PRKN: variants seen among roughly 807,000 people sequenced by gnomAD.
PRKN encodes the protein parkin RBR E3 ubiquitin protein ligase, also known as E3 ubiquitin-protein ligase parkin.
Under a neutral mutation model 59.5 loss-of-function variants are expected in PRKN, and 56 were observed. The ratio of observed to expected loss-of-function variants is 0.94; its 90% confidence interval spans 0.76 to 1.18. The LOEUF (loss-of-function observed/expected upper bound fraction) is 1.18. PRKN is among the 50% of genes most tolerant of loss of function. The pLI, the probability that PRKN is intolerant of heterozygous loss-of-function variation, is 0.00. For synonymous variants in PRKN, 250 were observed against 222.1 expected, an observed-to-expected ratio of 1.13 and a Z score of -1.12; for missense variants, 657 against 596.4, an observed-to-expected ratio of 1.10 and a Z score of -1.06.
chr6:161,965,514 T>G (rs879327543), intron 6 of PRKN, among the ~76,000 whole-genome samples: 2 of 152,004 alleles, frequency 1.3e-5, no homozygotes, highest in African/African-American at 4.8e-5. Context: ...CTTCTATCGA[T>G]GAAAAGAGTC....
chr6:161,781,162 T>C (rs1261648986), intron 7 of PRKN, among the ~76,000 whole-genome samples: 1 of 152,198 alleles, frequency 6.6e-6, no homozygotes, highest in African/African-American at 2.4e-5. Context: ...TTTTTTAAAA[T>C]AGCAAAACAC....
chr6:162,622,229 T>G (rs1349261688), intron 1 of PRKN, among the ~76,000 whole-genome samples: 1 of 152,188 alleles, frequency 6.6e-6, no homozygotes, highest in Non-Finnish European at 1.5e-5. Context: ...CCTGGAAATT[T>G]CTTGTTTTGA....
At position 161,529,603 on chromosome 6, in the gene PRKN, C is replaced by T. The variant is rs190375782; in HGVS notation, c.1083+19251G>A. 1.5e-4 allele frequency among the ~76,000 whole-genome samples: 23 copies of T among 152,282 alleles called. No homozygotes were observed. The East Asian group carries it at 2.7e-3, about 18-fold the overall frequency. ...AAACATCTAAACCTCCATATTTGGA[C>T]GAAGTATAGTCTACTCATAGGATTA... On this transcript the variant is annotated intron_variant, in intron 9 of 11. Transcript: ENST00000366898. This position sits in a 1 kb window ranked among gnomAD's most constrained non-coding sequence, Gnocchi z 4.4.
intron 6 of PRKN, among the ~76,000 whole-genome samples, chr6:161,960,960 C>G (rs1780355222): frequency 6.6e-6 from 1 of 152,144 alleles, no homozygotes; most frequent in Non-Finnish European, 1.5e-5. Context: ...CCTATGCTAC[C>G]TCTCCTGAAC....
intron 4 of PRKN, among the ~76,000 whole-genome samples, chr6:162,189,204 G>A (rs1208394292): frequency 1.3e-5 from 2 of 151,024 alleles, no homozygotes; most frequent in East Asian, 4.0e-4. Context: ...TCTATAGGAG[G>A]GAATTGAGAT....
intron 4 of PRKN, among the ~76,000 whole-genome samples, chr6:162,058,672 G>C (rs562361945): frequency 6.6e-6 from 1 of 152,272 alleles, no homozygotes; most frequent in South Asian, 2.1e-4. Flanking sequence ...GCACTAATAG[G>C]CCGGGCATGG....
At chr6:162,532,292 T>C (rs1778546298) in intron 1 of PRKN, among the ~76,000 whole-genome samples, 1 of 152,206 alleles carries the variant, frequency 6.6e-6, no homozygotes, top group Non-Finnish European at 1.5e-5. Flanking sequence ...ACTTATGATA[T>C]ATGCACGCAC....
intron 1 of PRKN, among the ~76,000 whole-genome samples, chr6:162,610,204 G>C (rs1782089910): frequency 6.6e-6 from 1 of 152,116 alleles, no homozygotes; most frequent in Admixed American, 6.5e-5. Context: ...TCCCCATTTA[G>C]TGACGACAAA....
chr6:161,769,629 A>C (rs923330331), intron 7 of PRKN, among the ~76,000 whole-genome samples: 5 of 152,194 alleles, frequency 3.3e-5, no homozygotes, highest in African/African-American at 1.2e-4. Context: ...CAAATGACTA[A>C]GGCCTAGCTT....
chr6:162,272,999 GAAAAAAAAA>G (rs548215878), intron 2 of PRKN, among the ~76,000 whole-genome samples: 1 of 55,024 alleles, frequency 1.8e-5, no homozygotes, highest in South Asian at 5.9e-4. Flanking sequence ...GCCTGTGTCT[GAAAAAAAAA>G]AAAAAAAAAA....
chr6:161,983,825 G>A (rs1163483490), intron 5 of PRKN, among the ~76,000 whole-genome samples: 4 of 112,758 alleles, frequency 3.5e-5, no homozygotes, highest in Non-Finnish European at 7.3e-5. Flanking sequence ...ATTAGTGGGT[G>A]CAGCGCACCA....
At chr6:161,941,460 G>C (rs1779564207) in intron 6 of PRKN, among the ~76,000 whole-genome samples, 1 of 152,206 alleles carries the variant, frequency 6.6e-6, no homozygotes, top group Non-Finnish European at 1.5e-5. Flanking sequence ...GGCTCCCCCA[G>C]CTGCTGAGAG....
At chr6:162,640,286 T>C (rs945016290) in intron 1 of PRKN, among the ~76,000 whole-genome samples, 13 of 152,120 alleles carry the variant, frequency 8.5e-5, no homozygotes, top group Admixed American at 3.9e-4. Context: ...AAATGCGATA[T>C]TGCTTGCACA....
chr6:162,633,662 T>A (rs1777601805), intron 1 of PRKN, among the ~76,000 whole-genome samples: 1 of 151,970 alleles, frequency 6.6e-6, no homozygotes, highest in African/African-American at 2.4e-5. Flanking sequence ...AGAGGCCCAG[T>A]GCACCCCATG....
In PRKN at chr6:161,359,022, C is replaced by G. The variant is rs1430435317; in HGVS notation, c.1285+1066G>C. On this transcript the variant is annotated intron_variant, in intron 11 of 11. Coordinates refer to ENST00000366898, the MANE Select transcript of PRKN (RefSeq NM_004562.3). This position sits in a 1 kb window ranked among gnomAD's most constrained non-coding sequence, Gnocchi z 5.4. ...TGTTAGCCAGGATGGTCTCGACCTC[C>G]TGACCTTGTGATCCACCCGCCTCCG... 1.3e-5 allele frequency among the ~76,000 whole-genome samples: 2 copies of G among 151,922 alleles called. No homozygotes were observed. Among genetic ancestry groups the G allele is most frequent in the African/African-American group, 4.8e-5 (2 of 41,384 alleles).
At chr6:162,135,742 G>A (rs1781539160) in intron 4 of PRKN, among the ~76,000 whole-genome samples, 1 of 152,076 alleles carries the variant, frequency 6.6e-6, no homozygotes, top group Admixed American at 6.6e-5. Context: ...GGTGAAAGGT[G>A]AAAGGCTGAA....
intron 6 of PRKN, among the ~76,000 whole-genome samples, chr6:161,803,430 T>C (rs776716281): frequency 4.6e-5 from 7 of 152,196 alleles, no homozygotes; most frequent in Non-Finnish European, 7.3e-5. Flanking sequence ...GTACGTGGCA[T>C]GTGCTTGTTT....
chr6:162,293,506 G>T (rs374213530), intron 2 of PRKN, among the ~76,000 whole-genome samples: 2 of 152,200 alleles, frequency 1.3e-5, no homozygotes, highest in Non-Finnish European at 2.9e-5. Context: ...GAGACCCAGC[G>T]GAGAGGGAGT....
At chr6:162,375,824 T>C (rs1391513824) in intron 2 of PRKN, among the ~76,000 whole-genome samples, 2 of 151,470 alleles carry the variant, frequency 1.3e-5, no homozygotes, top group African/African-American at 2.4e-5. Context: ...TATTAACATA[T>C]AACACATATA....
Sources: allele counts gnomAD v4.1 joint callset (sites outside exome capture counted in the v4.1 genomes callset), GRCh38; gene constraint gnomAD v4.1.1; non-coding constraint Gnocchi (gnomAD v3.1); transcripts MANE v1.5; gene names NCBI Gene and HGNC (gene_info 2026-07-23, HGNC 2026-07-21).